LARP4B: variants seen among roughly 807,000 people sequenced by gnomAD.
The protein encoded by LARP4B is la-related protein 4B.
A neutral mutation model predicts 89.8 loss-of-function variants in LARP4B; 12 were observed. That is an observed-to-expected ratio of 0.13 (90% CI 0.09 to 0.22). LARP4B has a LOEUF of 0.22. LARP4B is among the 10% of genes least tolerant of loss of function. The pLI is 1.00. For synonymous variants in LARP4B, 367 were observed against 363.3 expected, an observed-to-expected ratio of 1.01 and a Z score of -0.12; for missense variants, 757 against 947.7, an observed-to-expected ratio of 0.80 and a Z score of 2.64.
chr10:924,755 C>T (rs551350157), intron 1 of LARP4B, among the ~76,000 whole-genome samples: 4 of 152,330 alleles, frequency 2.6e-5, no homozygotes, highest in Admixed American at 2.6e-4. Context: ...TCCCTCCCAT[C>T]CAGGCCGGAT....
downstream of LARP4B, chr10:807,400 C>G (rs891291366): frequency 6.6e-6 from 1 of 152,288 alleles, no homozygotes; most frequent in Admixed American, 6.5e-5. Flanking sequence ...AAATCCTGGT[C>G]GTGAATGAAA....
chr10:908,028 A>C (rs1276585000), intron 1 of LARP4B, among the ~76,000 whole-genome samples: 1 of 152,226 alleles, frequency 6.6e-6, no homozygotes, highest in Non-Finnish European at 1.5e-5. Context: ...CAACATGGTG[A>C]AACCCCATCT....
intron 1 of LARP4B, among the ~76,000 whole-genome samples, chr10:921,355 C>T (rs12761424): frequency 0.18 from 27,867 of 151,992 alleles, 2,796 homozygotes; most frequent in Non-Finnish European, 0.23. Flanking sequence ...AATTATCTAA[C>T]ACAATTTGTG....
chr10:937,081 C>T, the LARP4B span, among the ~76,000 whole-genome samples: 10 of 152,210 alleles, frequency 6.6e-5, no homozygotes, highest in African/African-American at 2.2e-4. Flanking sequence ...CTTGCTCTGT[C>T]GCCCAGGCTG....
chr10:902,577 C>A (rs998835284), intron 1 of LARP4B, among the ~76,000 whole-genome samples: 1 of 151,956 alleles, frequency 6.6e-6, no homozygotes, highest in Non-Finnish European at 1.5e-5. Context: ...GCAGTCTAAG[C>A]AGGGCACAGC....
chr10:845,787 G>A (rs913454853), intron 5 of LARP4B, among the ~76,000 whole-genome samples: 4 of 152,200 alleles, frequency 2.6e-5, no homozygotes, highest in Non-Finnish European at 4.4e-5. Flanking sequence ...ATAATGTTGC[G>A]ATGACAGGCA....
chr10:833,249 T>TAAAAAAAAAAAAAAA (rs56788542), intron 8 of LARP4B, among the ~76,000 whole-genome samples: 5 of 52,034 alleles, frequency 9.6e-5, no homozygotes, highest in Non-Finnish European at 9.9e-5. Context: ...TGATGAGCTT[T>TAAAAAAAAAAAAAAA]AAAAAAAAAA....
Position 822,482 on chromosome 10 carries a change from C to CCATCAGTGGGCCCAGCCAA in LARP4B, c.1485-1656_1485-1638dup, listed in dbSNP as rs1195919681. ...CTGCCATGGGGTCCTATCCCAGTCACCATCAGTGGGCCCAGCCAACACTCC... is the reference window on the plus strand; with the variant it reads ...CTGCCATGGGGTCCTATCCCAGTCACCATCAGTGGGCCCAGCCAACATCAGTGGGCCCAGCCAACACTCC... On this transcript the variant is annotated intron_variant, in intron 13 of 17. Transcript: ENST00000316157. The surrounding 1 kb of genome is among the most constrained non-coding windows in gnomAD (Gnocchi z 4.6). 7.9e-5 allele frequency among the ~76,000 whole-genome samples: 12 copies of CCATCAGTGGGCCCAGCCAA among 152,304 alleles called. No individual in the cohort carries two copies. Among genetic ancestry groups the CCATCAGTGGGCCCAGCCAA allele is most frequent in the Non-Finnish European group, 1.5e-4 (10 of 68,016 alleles).
In LARP4B at chr10:885,628, C is replaced by A. The variant is rs768293207; in HGVS notation, c.81+13G>T. 1.2e-6 allele frequency: 2 copies of A among 1,608,430 alleles called. No individual in the cohort carries two copies. The highest frequency in any genetic ancestry group is 1.1e-5 in the South Asian group (1 of 90,630). On this transcript the variant is annotated intron_variant, in intron 2 of 17. Coordinates refer to ENST00000316157, the MANE Select transcript of LARP4B (RefSeq NM_015155.3). ...GCAATGGACTCCCCACCACCCCATT[C>A]GACAGCACCCACCAGATGAGCGCTG...
chr10:896,904 C>T (rs1836204309), intron 1 of LARP4B, among the ~76,000 whole-genome samples: 1 of 151,680 alleles, frequency 6.6e-6, no homozygotes, highest in South Asian at 2.1e-4. Flanking sequence ...GATGGGAAGA[C>T]ATGGTATTTT....
chr10:912,492 C>T (rs976597410), intron 1 of LARP4B, among the ~76,000 whole-genome samples: 7 of 152,014 alleles, frequency 4.6e-5, no homozygotes, highest in African/African-American at 1.7e-4. Context: ...CAAATGTTTT[C>T]TTTTTCCACT....
chr10:967,681 C>G, the LARP4B span, among the ~76,000 whole-genome samples: 2 of 152,174 alleles, frequency 1.3e-5, no homozygotes, highest in Non-Finnish European at 2.9e-5. Context: ...GGAGGCAACC[C>G]CGGACTTCAG....
At chr10:935,106 C>G (rs1057062749), upstream of LARP4B, among the ~76,000 whole-genome samples, 1 of 152,176 alleles carries the variant, frequency 6.6e-6, no homozygotes, top group East Asian at 1.9e-4. Flanking sequence ...CCTAAGACAT[C>G]CTTACCTTCC....
chr10:885,791 A>G, intron 1 of LARP4B, 31 bp from the exon 2 acceptor site: 1 of 1,080,228 alleles, frequency 9.3e-7, no homozygotes, highest in East Asian at 2.4e-5. Flanking sequence ...TAAACAGGTC[A>G]TTTGAAGGGC....
intron 1 of LARP4B, among the ~76,000 whole-genome samples, chr10:899,175 A>T (rs958582333): frequency 6.6e-6 from 1 of 152,194 alleles, no homozygotes; most frequent in Non-Finnish European, 1.5e-5. Flanking sequence ...ATTCAATGCC[A>T]GACTAAAACT....
At chr10:824,020 C>T (rs1472436565) in intron 13 of LARP4B, among the ~76,000 whole-genome samples, 1 of 152,216 alleles carries the variant, frequency 6.6e-6, no homozygotes, top group African/African-American at 2.4e-5. Flanking sequence ...ATTCTCACTG[C>T]ACAGAGGGTG....
intron 1 of LARP4B, among the ~76,000 whole-genome samples, chr10:929,404 G>A (rs569775785): frequency 1.3e-5 from 2 of 152,174 alleles, no homozygotes; most frequent in Non-Finnish European, 2.9e-5. Context: ...AGACCAGCCT[G>A]GGCAACATGC....
intron 8 of LARP4B, among the ~76,000 whole-genome samples, chr10:832,270 C>T (rs1832948812): frequency 1.3e-5 from 2 of 152,114 alleles, no homozygotes; most frequent in Admixed American, 1.3e-4. Context: ...GTCTCGATCT[C>T]CTGACCTCGT....
chr10:939,733 A>G, the LARP4B span, among the ~76,000 whole-genome samples: 6 of 152,262 alleles, frequency 3.9e-5, no homozygotes, highest in Non-Finnish European at 2.9e-5. Flanking sequence ...AAGACTCCCC[A>G]GTTGAGGATT....
Sources: allele counts gnomAD v4.1 joint callset (sites outside exome capture counted in the v4.1 genomes callset), GRCh38; gene constraint gnomAD v4.1.1; non-coding constraint Gnocchi (gnomAD v3.1); transcripts MANE v1.5; gene names NCBI Gene and HGNC (gene_info 2026-07-23, HGNC 2026-07-21).